GRM8: variants seen among roughly 807,000 people sequenced by gnomAD.
GRM8 encodes the protein metabotropic glutamate receptor 8.
Under a neutral mutation model 87.2 loss-of-function variants are expected in GRM8, and 47 were observed. That is an observed-to-expected ratio of 0.54 (90% CI 0.43 to 0.69). GRM8 has a LOEUF of 0.69. Ranked by LOEUF, GRM8 falls within the 30% of genes least tolerant of loss-of-function variation. The pLI, the probability that GRM8 is intolerant of heterozygous loss-of-function variation, is 0.00. For missense variants in GRM8, 1,019 were observed against 1,139.2 expected (o/e 0.89, Z 1.52); for synonymous variants, 396 against 404.5 (o/e 0.98, Z 0.25).
intron 2 of GRM8, among the ~76,000 whole-genome samples, chr7:127,140,931 T>C (rs1344480843): frequency 1.3e-5 from 2 of 152,166 alleles, no homozygotes; most frequent in Non-Finnish European, 1.5e-5. Context: ...TCATGCTGTA[T>C]GATCCTCTAG....
chr7:127,231,700 G>C lies in GRM8; in HGVS notation c.510+10995C>G, dbSNP rs141986945. Reference sequence around the variant, plus strand: ...AGGTAACATTCTTCATCTGGTGCAGGCCTGTGTTTCTGTCCTTACCACACA... The same window carrying C: ...AGGTAACATTCTTCATCTGGTGCAGCCCTGTGTTTCTGTCCTTACCACACA... On this transcript the variant is annotated intron_variant, in intron 2 of 10. Coordinates refer to ENST00000339582, the MANE Select transcript of GRM8 (RefSeq NM_000845.3). Among the ~76,000 whole-genome samples the C allele has an allele frequency of 4.5e-4, 68 of 152,146 alleles. 1 individual carries two copies. Among genetic ancestry groups the C allele is most frequent in the African/African-American group, 1.6e-3 (68 of 41,514 alleles).
intron 2 of GRM8, among the ~76,000 whole-genome samples, chr7:127,126,398 G>A (rs1293421724): frequency 4.6e-5 from 7 of 151,970 alleles, no homozygotes; most frequent in African/African-American, 1.7e-4. Flanking sequence ...AGTATCCGAC[G>A]CTCCCACTTA....
chr7:126,882,801 G>T lies in GRM8; in HGVS notation c.1156+19741C>A, dbSNP rs563163133. ...GGAGCCATCAAAATTTCCTACTCAGGCATCCCACAGAGAAAAAGCATCTAC... is the reference window on the plus strand; with the variant it reads ...GGAGCCATCAAAATTTCCTACTCAGTCATCCCACAGAGAAAAAGCATCTAC... On this transcript the variant is annotated intron_variant, in intron 6 of 10. Coordinates refer to ENST00000339582, the MANE Select transcript of GRM8 (RefSeq NM_000845.3). 3.9e-5 allele frequency among the ~76,000 whole-genome samples: 6 copies of T among 152,036 alleles called. No homozygotes were observed. The South Asian group carries it at 1.3e-3, about 32-fold the overall frequency.
intron 3 of GRM8, among the ~76,000 whole-genome samples, chr7:127,059,331 C>CTTTTTTTT (rs10618329): frequency 4.6e-5 from 6 of 130,592 alleles, no homozygotes; most frequent in South Asian, 2.4e-4. Context: ...TTTTTTTTTG[C>CTTTTTTTT]TTTTTTTTTT....
At chr7:126,742,789 AGTCACTAGTTAATTACTAATTCTG>A (rs1269391869) in intron 7 of GRM8, among the ~76,000 whole-genome samples, 31 of 152,224 alleles carry the variant, frequency 2.0e-4, no homozygotes, top group South Asian at 4.1e-4. Flanking sequence ...ACCTAATTCT[AGTCACTAGTTAATTACTAATTCTG>A]GTCACTAGTT....
At chr7:126,945,000 A>G (rs556016845) in intron 3 of GRM8, among the ~76,000 whole-genome samples, 1 of 152,314 alleles carries the variant, frequency 6.6e-6, no homozygotes, top group African/African-American at 2.4e-5. Flanking sequence ...GGAAGCTTTT[A>G]TATCCTTCTG....
At chr7:126,475,155 T>TA (rs1405415089) in intron 9 of GRM8, among the ~76,000 whole-genome samples, 1 of 152,092 alleles carries the variant, frequency 6.6e-6, no homozygotes, top group African/African-American at 2.4e-5. Context: ...AATAAAAAGA[T>TA]AAACGTCATC....
At chr7:126,559,550 C>T (rs1793489173) in intron 8 of GRM8, among the ~76,000 whole-genome samples, 1 of 152,206 alleles carries the variant, frequency 6.6e-6, no homozygotes, top group Admixed American at 6.5e-5. Flanking sequence ...AACCTCGTCT[C>T]AATTACTGTT....
intron 7 of GRM8, among the ~76,000 whole-genome samples, chr7:126,709,743 C>T (rs781395490): frequency 6.6e-6 from 1 of 151,914 alleles, no homozygotes; most frequent in Non-Finnish European, 1.5e-5. Context: ...GCATTATTTA[C>T]AATAGGGAAG....
At chr7:126,866,662 G>T (rs1329618288) in intron 6 of GRM8, among the ~76,000 whole-genome samples, 1 of 135,152 alleles carries the variant, frequency 7.4e-6, no homozygotes, top group Admixed American at 8.7e-5. Context: ...TGCAATCTCG[G>T]CTCACAGCAA....
rs572373364 is a variant in GRM8 at position 126,481,578 on chromosome 7, G to C, written c.2431-35206C>G. 3.9e-5 allele frequency among the ~76,000 whole-genome samples: 6 copies of C among 151,990 alleles called. No homozygotes were observed. In the South Asian group the frequency reaches 1.2e-3, roughly 32 times the overall value. ...CAGTATATACATTCAATCTAATCAA[G>C]AGAAAAGTGAGGGGTACTTCATGAA... On this transcript the variant is annotated intron_variant, in intron 9 of 10. Coordinates refer to ENST00000339582, the MANE Select transcript of GRM8 (RefSeq NM_000845.3).
intron 6 of GRM8, among the ~76,000 whole-genome samples, chr7:126,821,417 CT>C (rs1227388547): frequency 6.6e-6 from 1 of 152,178 alleles, no homozygotes; most frequent in Non-Finnish European, 1.5e-5. Context: ...TCATGTTTCC[CT>C]TTCTGTATCT....
At chr7:126,785,602 G>C (rs1282004202) in intron 6 of GRM8, among the ~76,000 whole-genome samples, 1 of 151,994 alleles carries the variant, frequency 6.6e-6, no homozygotes, top group Non-Finnish European at 1.5e-5. Context: ...AAAGACCCGG[G>C]TCTTTTAAGA....
At chr7:126,781,059 T>C (rs1298298260) in intron 6 of GRM8, among the ~76,000 whole-genome samples, 1 of 152,032 alleles carries the variant, frequency 6.6e-6, no homozygotes, top group Non-Finnish European at 1.5e-5. Flanking sequence ...TACCCAAGGG[T>C]GACTTCTAGG....
At chr7:127,223,674 G>A (rs1176359673) in intron 2 of GRM8, among the ~76,000 whole-genome samples, 3 of 152,020 alleles carry the variant, frequency 2.0e-5, no homozygotes, top group Admixed American at 1.3e-4. Context: ...GGTCTTACCC[G>A]CCACCACTCA....
At chr7:126,859,792 T>C (rs887697005) in intron 6 of GRM8, among the ~76,000 whole-genome samples, 2 of 152,204 alleles carry the variant, frequency 1.3e-5, no homozygotes, top group African/African-American at 4.8e-5. Context: ...AAGATTCCAC[T>C]TTCTTTCATG....
At chr7:127,155,647 G>A (rs981749446) in intron 2 of GRM8, among the ~76,000 whole-genome samples, 7 of 152,072 alleles carry the variant, frequency 4.6e-5, no homozygotes, top group African/African-American at 1.7e-4. Flanking sequence ...GAACTTATCT[G>A]GAACTAAATA....
At chr7:127,170,140 G>C (rs904403059) in intron 2 of GRM8, among the ~76,000 whole-genome samples, 2 of 152,072 alleles carry the variant, frequency 1.3e-5, no homozygotes, top group South Asian at 2.1e-4. Context: ...TTCTGGAAAA[G>C]ATTTACCATT....
At chr7:126,847,391 C>T (rs1427869178) in intron 6 of GRM8, among the ~76,000 whole-genome samples, 7 of 152,114 alleles carry the variant, frequency 4.6e-5, no homozygotes, top group Non-Finnish European at 1.0e-4. Flanking sequence ...TGCTGTGTAA[C>T]AAAATGCCCC....
Sources: gnomAD v4.1 joint callset for allele counts (sites outside exome capture counted in the v4.1 genomes callset) on GRCh38, gnomAD v4.1.1 for gene constraint, MANE v1.5 for transcripts, NCBI Gene and HGNC (gene_info 2026-07-23, HGNC 2026-07-21) for gene names.